BMAL1: variants seen among roughly 807,000 people sequenced by gnomAD.
The protein encoded by BMAL1 is basic helix-loop-helix ARNT-like protein 1.
the BMAL1 span, among the ~76,000 whole-genome samples, chr11:13,364,184 G>T: frequency 6.6e-6 from 1 of 152,222 alleles, no homozygotes; most frequent in Non-Finnish European, 1.5e-5. Flanking sequence ...ACAGAATGAG[G>T]CTTCCAGCAG....
the BMAL1 span, among the ~76,000 whole-genome samples, chr11:13,280,535 TAAAC>T: frequency 2.6e-5 from 4 of 152,220 alleles, no homozygotes; most frequent in African/African-American, 7.2e-5. Context: ...CAATATTAAA[TAAAC>T]AGTTTCAGCC....
At chr11:13,282,474 A>G in the BMAL1 span, among the ~76,000 whole-genome samples, 1 of 152,142 alleles carries the variant, frequency 6.6e-6, no homozygotes, top group Non-Finnish European at 1.5e-5. Context: ...CTCCACATTC[A>G]GCCTGCCTGT....
the BMAL1 span, among the ~76,000 whole-genome samples, chr11:13,298,977 G>A: frequency 2.6e-5 from 4 of 152,176 alleles, no homozygotes; most frequent in African/African-American, 9.7e-5. Flanking sequence ...TTGTATCTCA[G>A]GCGGTCTGCG....
the BMAL1 span, chr11:13,374,309 C>A: frequency 1.1e-6 from 1 of 951,414 alleles, no homozygotes; most frequent in Non-Finnish European, 1.6e-6. Context: ...TAGAGTCAGC[C>A]AGCCTAGGAC....
chr11:13,306,415 G>A, the BMAL1 span, among the ~76,000 whole-genome samples: 1 of 152,234 alleles, frequency 6.6e-6, no homozygotes, highest in African/African-American at 2.4e-5. Flanking sequence ...GACCAGGTTG[G>A]TCTGAGGTTT....
At chr11:13,321,317 A>G in the BMAL1 span, among the ~76,000 whole-genome samples, 1 of 152,166 alleles carries the variant, frequency 6.6e-6, no homozygotes, top group African/African-American at 2.4e-5. Context: ...TTTGATGTTT[A>G]CTGCGTGACT....
chr11:13,325,394 C>T, the BMAL1 span, among the ~76,000 whole-genome samples: 1 of 152,184 alleles, frequency 6.6e-6, no homozygotes, highest in African/African-American at 2.4e-5. Flanking sequence ...GCAGTGGGTA[C>T]ATTTCACCTT....
the BMAL1 span, among the ~76,000 whole-genome samples, chr11:13,349,179 G>A: frequency 4.6e-5 from 7 of 152,250 alleles, no homozygotes; most frequent in South Asian, 2.1e-4. Context: ...TTAACTTCGT[G>A]TGTGCCCAGG....
the BMAL1 span, among the ~76,000 whole-genome samples, chr11:13,371,396 G>A: frequency 8.5e-5 from 13 of 152,242 alleles, no homozygotes; most frequent in African/African-American, 3.1e-4. Flanking sequence ...AATCCCAACA[G>A]TTTGATCTCA....
chr11:13,331,088 C>G, the BMAL1 span, among the ~76,000 whole-genome samples: 2 of 152,306 alleles, frequency 1.3e-5, no homozygotes, highest in East Asian at 3.9e-4. Context: ...CTGTGCTTCT[C>G]TTGACAGTGC....
the BMAL1 span, among the ~76,000 whole-genome samples, chr11:13,301,632 G>C: frequency 1.3e-5 from 2 of 152,262 alleles, no homozygotes; most frequent in African/African-American, 4.8e-5. Context: ...GACATTCTCA[G>C]CAAAGGTAAA....
the BMAL1 span, among the ~76,000 whole-genome samples, chr11:13,323,053 T>A: frequency 6.6e-6 from 1 of 151,684 alleles, no homozygotes; most frequent in African/African-American, 2.4e-5. Flanking sequence ...CACCTTGGCC[T>A]CCTAAAGTGC....
the BMAL1 span, among the ~76,000 whole-genome samples, chr11:13,321,046 T>C: frequency 6.6e-6 from 1 of 152,232 alleles, no homozygotes; most frequent in Non-Finnish European, 1.5e-5. Context: ...AATGCACTGA[T>C]ATATTCAAAT....
chr11:13,355,165 T>G, the BMAL1 span: 1 of 1,481,630 alleles, frequency 6.7e-7, no homozygotes, highest in East Asian at 2.3e-5. Context: ...TTTCTTTTGT[T>G]TAATGAGGGA....
At chr11:13,358,560 G>A in the BMAL1 span, 1 of 1,610,538 alleles carries the variant, frequency 6.2e-7, no homozygotes, top group Non-Finnish European at 8.5e-7. Context: ...CTGTGCTAAG[G>A]ATGGCTGTTC....
chr11:13,323,768 T>C, the BMAL1 span, among the ~76,000 whole-genome samples: 1 of 152,090 alleles, frequency 6.6e-6, no homozygotes, highest in Non-Finnish European at 1.5e-5. Flanking sequence ...AGTCGTGCGC[T>C]ACCACTCCTG....
At chr11:13,310,545 G>A in the BMAL1 span, among the ~76,000 whole-genome samples, 4 of 152,184 alleles carry the variant, frequency 2.6e-5, no homozygotes, top group Admixed American at 1.3e-4. Flanking sequence ...TTTTTCTGTA[G>A]AGGACCAGAT....
chr11:13,330,379 C>T, the BMAL1 span, among the ~76,000 whole-genome samples: 1 of 152,200 alleles, frequency 6.6e-6, no homozygotes, highest in African/African-American at 2.4e-5. Context: ...GCTGAAAAGC[C>T]ACTAAAATCT....
chr11:13,300,786 A>G, the BMAL1 span, among the ~76,000 whole-genome samples: 1 of 152,218 alleles, frequency 6.6e-6, no homozygotes, highest in Non-Finnish European at 1.5e-5. Flanking sequence ...ACTTGCTGAA[A>G]GGATTTGGTT....
Sources: gnomAD v4.1 joint callset for allele counts (sites outside exome capture counted in the v4.1 genomes callset) on GRCh38, gnomAD v4.1.1 for gene constraint, MANE v1.5 for transcripts, NCBI Gene and HGNC (gene_info 2026-07-23, HGNC 2026-07-21) for gene names.